TYK2: variants seen among roughly 807,000 people sequenced by gnomAD.
The protein encoded by TYK2 is tyrosine kinase 2.
Under a neutral mutation model 130.9 loss-of-function variants are expected in TYK2, and 65 were observed. The observed-to-expected ratio is 0.50, with a 90% CI of 0.41 to 0.61. The LOEUF is 0.61. Among genes scored for constraint, TYK2 ranks in the 20% least tolerant of loss-of-function variants. The pLI, the probability that TYK2 is intolerant of heterozygous loss-of-function variation, is 0.00. For missense variants in TYK2, 1,378 were observed against 1,610.7 expected (o/e 0.86, Z 2.47); for synonymous variants, 647 against 658.9 (o/e 0.98, Z 0.28).
chr19:10,364,593 C>T lies in TYK2; in HGVS notation c.1367+21G>A, dbSNP rs754356503. 15 of 1,613,218 alleles carry T rather than the reference C, an allele frequency of 9.3e-6. No individual in the cohort carries two copies. Among genetic ancestry groups the T allele is most frequent in the South Asian group, 6.6e-5 (6 of 91,072 alleles). ...TGGCACCCTTGGCGGTGGCCCCCAG[C>T]GCCCCCCACCCAGCACTCACAGCAG... On this transcript the variant is annotated intron_variant, in intron 9 of 24. Coordinates refer to ENST00000525621, the MANE Select transcript of TYK2 (RefSeq NM_003331.5). The surrounding 1 kb of genome is among the most constrained non-coding windows in gnomAD (Gnocchi z 4.9).
chr19:10,368,503 C>T (rs778628507), intron 3 of TYK2, 85 bp from the exon 4 acceptor site: 3 of 1,596,378 alleles, frequency 1.9e-6, no homozygotes, highest in Admixed American at 1.7e-5. Flanking sequence ...TGTCTGCCTT[C>T]ACACTCCCTC....
At chr19:10,357,160 G>A in intron 17 of TYK2, 1 of 383,842 alleles carries the variant, frequency 2.6e-6, no homozygotes, top group Middle Eastern at 8.1e-4. Context: ...AGGCCGAGGT[G>A]GGCGGATCAC....
At position 10,353,965 on chromosome 19, in the gene TYK2, T is replaced by G; in HGVS notation, c.2908+77A>C. 6.8e-7 allele frequency: 1 copy of G among 1,479,688 alleles called. No homozygotes were observed. The highest frequency in any genetic ancestry group is 9.4e-7 in the Non-Finnish European group (1 of 1,065,962). 91.7% of individuals were successfully genotyped at this position (1,479,688 alleles called of 1,614,324 possible). Reference sequence around the variant, plus strand: ...GAGTCTCTAATTGGCTAGGCCAGACTGGCCCCGCCCACAAGGCCACACCCA... The same window carrying G: ...GAGTCTCTAATTGGCTAGGCCAGACGGGCCCCGCCCACAAGGCCACACCCA... On this transcript the variant is annotated intron_variant, in intron 20 of 24. Transcript: ENST00000525621. The surrounding 1 kb of genome is among the most constrained non-coding windows in gnomAD (Gnocchi z 6.9).
At chr19:10,374,739 T>C (rs1427240218) in intron 3 of TYK2, among the ~76,000 whole-genome samples, 13 of 135,964 alleles carry the variant, frequency 9.6e-5, no homozygotes, top group East Asian at 4.6e-4. Flanking sequence ...AAAAATTAGC[T>C]GGGCGTGGTG....
intron 12 of TYK2, 60 bp downstream of exon 12, chr19:10,362,018 C>A (rs1375450550): frequency 1.9e-6 from 3 of 1,613,106 alleles, no homozygotes; most frequent in Non-Finnish European, 2.5e-6. Flanking sequence ...CTCCCAGGGC[C>A]CCCAGCACCC....
chr19:10,351,461 T>C, intron 23 of TYK2: 1 of 369,644 alleles, frequency 2.7e-6, no homozygotes. Context: ...CACTCCAGCC[T>C]GGGATACAAG....
chr19:10,373,419 A>G (rs1205949650), intron 3 of TYK2, among the ~76,000 whole-genome samples: 1 of 144,096 alleles, frequency 6.9e-6, no homozygotes, highest in Admixed American at 6.9e-5. Context: ...GCTCACTGCA[A>G]CTCCGCCTCC....
At chr19:10,354,010 C>CA in intron 20 of TYK2, 32 bp downstream of exon 20, 1 of 1,611,220 alleles carries the variant, frequency 6.2e-7, no homozygotes, top group South Asian at 1.1e-5. Flanking sequence ...CACGCCCCCT[C>CA]AAGTCTCTAG....
At position 10,362,510 on chromosome 19, in the gene TYK2, G is replaced by A. The variant is rs373281215; in HGVS notation, c.1476+39C>T. On this transcript the variant is annotated intron_variant, in intron 10 of 24. Coordinates refer to ENST00000525621, the MANE Select transcript of TYK2 (RefSeq NM_003331.5). Reference sequence around the variant, plus strand: ...GTAAGCAGGGGACCAGGCAGGGAACGTGTCCAGCCCCAGCCCCAGCCCCCA... The same window carrying A: ...GTAAGCAGGGGACCAGGCAGGGAACATGTCCAGCCCCAGCCCCAGCCCCCA... 4.5e-6 allele frequency: 7 copies of A among 1,560,286 alleles called. No homozygotes were observed. In the South Asian group the frequency reaches 4.7e-5, roughly 10 times the overall value.
chr19:10,366,445 G>C lies in TYK2; in HGVS notation c.601C>G (p.Pro201Ala), dbSNP rs1320075621. Residue 201 changes from proline to alanine, a missense_variant, in exon 6 of 25, where the codon CCC becomes GCC. Coordinates refer to ENST00000525621, the MANE Select transcript of TYK2 (RefSeq NM_003331.5). Reference sequence around the variant, plus strand: ...GTCTTCTTGGCCACCTCCTCCAGGGGGATGCCATGGCGGAGAGCGAGGTGA... The same window carrying C: ...GTCTTCTTGGCCACCTCCTCCAGGGCGATGCCATGGCGGAGAGCGAGGTGA... ...LCHLALRHGIPLEEVAKKTSF... is the reference protein window; with the variant it reads ...LCHLALRHGIALEEVAKKTSF... The C allele has an allele frequency of 6.2e-7, 1 of 1,614,050 alleles. No homozygotes were observed. The highest frequency in any genetic ancestry group is 8.5e-7 in the Non-Finnish European group (1 of 1,179,972).
At position 10,364,708 on chromosome 19, in the gene TYK2, G is replaced by A. The variant is rs777227495; in HGVS notation, c.1273C>T (p.Arg425Cys). 39 of 1,613,612 alleles carry A rather than the reference G, an allele frequency of 2.4e-5. No individual in the cohort carries two copies. The highest frequency in any genetic ancestry group is 2.2e-4 in the Admixed American group (13 of 59,980). Residue 425 changes from arginine (R) to cysteine (C), a missense_variant, in exon 9 of 25, where the codon CGC becomes TGC. Transcript: ENST00000525621. This position sits in a 1 kb window ranked among gnomAD's most constrained non-coding sequence, Gnocchi z 4.9. ...SFVSLVDGYF[R>C]LTADSSHYLC... ...TAGTGGCTGGAGTCGGCCGTCAGGC[G>A]GAAATAGCCGTCCACCAGCGACACG...
chr19:10,355,820 G>A (rs2041073029), intron 18 of TYK2, among the ~76,000 whole-genome samples: 1 of 151,584 alleles, frequency 6.6e-6, no homozygotes, highest in African/African-American at 2.4e-5. Flanking sequence ...AAATTAGCCC[G>A]GCGTGGTGGT....
Position 10,358,062 on chromosome 19 carries a change from G to A in TYK2, c.2252C>T (p.Thr751Ile), listed in dbSNP as rs768089228. ...ATCACTCAGCTTGATGAAGGGGCTGGTGCCCTCTGCCAACCCCAGCCGGGC... is the reference window on the plus strand; with the variant it reads ...ATCACTCAGCTTGATGAAGGGGCTGATGCCCTCTGCCAACCCCAGCCGGGC... Reference protein sequence around the residue: ...LLARLGLAEGTSPFIKLSDPG... With the variant: ...LLARLGLAEGISPFIKLSDPG... The change falls in exon 16 of 25, where the codon ACC becomes ATC. Residue 751 changes from threonine to isoleucine, a missense_variant. Thr to Ile is a moderately conservative substitution (Grantham distance 89, BLOSUM62 -1). Transcript: ENST00000525621. The A allele has an allele frequency of 6.8e-6, 11 of 1,613,264 alleles. No individual in the cohort carries two copies. Among genetic ancestry groups the A allele is most frequent in the Non-Finnish European group, 9.3e-6 (11 of 1,179,932 alleles).
rs926454745 is a variant in TYK2 at position 10,361,333 on chromosome 19, G to A, written c.2047+178C>T. On this transcript the variant is annotated intron_variant, in intron 14 of 24. Coordinates refer to ENST00000525621, the MANE Select transcript of TYK2 (RefSeq NM_003331.5). The surrounding 1 kb of genome is among the most constrained non-coding windows in gnomAD (Gnocchi z 4.0). ...GATGTAAGTTATGGGCTGGAATATC[G>A]TTAGGGGTTGGGGTCTAGGTTGAAG... The A allele has an allele frequency of 6.1e-5, 41 of 672,658 alleles. No individual in the cohort carries two copies. Among genetic ancestry groups the A allele is most frequent in the South Asian group, 1.4e-4 (8 of 58,248 alleles). The allele number at this position is 672,658 out of a possible 1,614,324, so 41.7% of individuals were successfully genotyped here.
intron 3 of TYK2, 88 bp downstream of exon 3, chr19:10,378,126 G>T: frequency 2.3e-6 from 3 of 1,321,012 alleles, no homozygotes; most frequent in Admixed American, 1.9e-5. Flanking sequence ...GGGTGGATGG[G>T]TGGGTGGGTG....
At position 10,362,260 on chromosome 19, in the gene TYK2, G is replaced by T; in HGVS notation, c.1669+4C>A. 1 of 1,613,594 alleles carries T rather than the reference G, an allele frequency of 6.2e-7. No individual in the cohort carries two copies. The highest frequency in any genetic ancestry group is 8.5e-7 in the Non-Finnish European group (1 of 1,179,598). On this transcript the variant is annotated splice_donor_region_variant and intron_variant, in intron 11 of 24. Coordinates refer to ENST00000525621, the MANE Select transcript of TYK2 (RefSeq NM_003331.5). ...CCCACCCAGAGGTCCCCCTATCATC[G>T]TACCTCCTGGTTGGGGCAGGCAACA...
At chr19:10,372,199 T>C (rs1349996112) in intron 3 of TYK2, among the ~76,000 whole-genome samples, 1 of 151,236 alleles carries the variant, frequency 6.6e-6, no homozygotes, top group Non-Finnish European at 1.5e-5. Context: ...TTCACCGTGT[T>C]AGCCAGGACG....
Position 10,378,213 on chromosome 19 carries a change from C to A in TYK2, c.193+1G>T. 2 of 1,612,814 alleles carry A rather than the reference C, an allele frequency of 1.2e-6. No individual in the cohort carries two copies. Among genetic ancestry groups the A allele is most frequent in the Non-Finnish European group, 1.7e-6 (2 of 1,179,922 alleles). ...CCATGGTGCCAACGCCCCAGACTCA[C>A]CAACTTTATGTGCAATGTGGATGCA... On this transcript the variant is annotated splice_donor_variant, in intron 3 of 24. Transcript: ENST00000525621. LOFTEE classifies it high-confidence loss of function.
Position 10,358,039 on chromosome 19 carries a change from C to A in TYK2, c.2275G>T (p.Asp759Tyr). The A allele has an allele frequency of 6.2e-7, 1 of 1,613,518 alleles. No individual in the cohort carries two copies. Among genetic ancestry groups the A allele is most frequent in the Non-Finnish European group, 8.5e-7 (1 of 1,179,996 alleles). ...AGGGCGCCCAGGCCCACGCCAGGAT[C>A]ACTCAGCTTGATGAAGGGGCTGGTG... ...EGTSPFIKLS[D>Y]PGVGLGALSR... Residue 759 changes from aspartate (D) to tyrosine (Y), a missense_variant, in exon 16 of 25, where the codon GAT (aspartate) becomes TAT (tyrosine). Asp to Tyr is a radical substitution (Grantham distance 160, BLOSUM62 -3). Coordinates refer to ENST00000525621, the MANE Select transcript of TYK2 (RefSeq NM_003331.5).
Sources: allele counts gnomAD v4.1 joint callset (sites outside exome capture counted in the v4.1 genomes callset), GRCh38; gene constraint gnomAD v4.1.1; non-coding constraint Gnocchi (gnomAD v3.1); transcripts MANE v1.5; gene names NCBI Gene and HGNC (gene_info 2026-07-23, HGNC 2026-07-21).